Variants in SLC16A9 observed in about 807,000 individuals in gnomAD.
SLC16A9 encodes the protein monocarboxylate transporter 9.
Under a neutral mutation model 44.3 loss-of-function variants are expected in SLC16A9, and 26 were observed. The ratio of observed to expected loss-of-function variants is 0.59; its 90% CI spans 0.43 to 0.81. The LOEUF is 0.81. SLC16A9 is among the 40% of genes least tolerant of loss of function. SLC16A9 has a pLI of 0.00. For missense variants in SLC16A9, 559 were observed against 595.8 expected (o/e 0.94, Z 0.64); for synonymous variants, 230 against 225.1 (o/e 1.02, Z -0.19).
At chr10:59,653,214 T>C (rs888552071) in intron 5 of SLC16A9, among the ~76,000 whole-genome samples, 26 of 151,064 alleles carry the variant, frequency 1.7e-4, no homozygotes, top group African/African-American at 6.1e-4. Context: ...GGTCAGGAGA[T>C]GGAGACCATC....
Position 59,679,816 on chromosome 10 carries a change from C to A in SLC16A9, c.196+4280G>T, listed in dbSNP as rs560840402. Among the ~76,000 whole-genome samples the A allele has an allele frequency of 2.6e-5, 4 of 152,306 alleles. No homozygotes were observed. The East Asian group carries it at 7.7e-4, about 29-fold the overall frequency. ...CAGCCTCTGCAGTACCAAATCCAGG[C>A]CTCTGCATAAAGGTAATTTGCATGG... On this transcript the variant is annotated intron_variant, in intron 2 of 5. Coordinates refer to ENST00000395348, the MANE Select transcript of SLC16A9 (RefSeq NM_194298.3).
intron 1 of SLC16A9, among the ~76,000 whole-genome samples, chr10:59,700,531 A>C (rs1432195569): frequency 6.6e-6 from 1 of 152,234 alleles, no homozygotes; most frequent in Non-Finnish European, 1.5e-5. Context: ...TCACATGAGC[A>C]TGTTTCTAGT....
At chr10:59,708,294 G>A (rs1420469837) in intron 1 of SLC16A9, among the ~76,000 whole-genome samples, 1 of 152,146 alleles carries the variant, frequency 6.6e-6, no homozygotes, top group Admixed American at 6.5e-5. Context: ...TTTCCTATTA[G>A]AAGTTTTAAA....
intron 3 of SLC16A9, among the ~76,000 whole-genome samples, chr10:59,669,836 C>T (rs192601300): frequency 6.2e-4 from 94 of 152,098 alleles, no homozygotes; most frequent in African/African-American, 2.3e-3. Flanking sequence ...ATGGATTTAC[C>T]GTAACAGAGT....
chr10:59,673,493 C>T (rs1466802425), intron 2 of SLC16A9, among the ~76,000 whole-genome samples: 1 of 152,076 alleles, frequency 6.6e-6, no homozygotes, highest in Non-Finnish European at 1.5e-5. Context: ...GTTATTTAGC[C>T]CAACAGTCTC....
intron 1 of SLC16A9, among the ~76,000 whole-genome samples, chr10:59,699,003 C>T (rs1246315255): frequency 6.6e-6 from 1 of 152,132 alleles, no homozygotes; most frequent in East Asian, 1.9e-4. Context: ...CTCAGCCTCC[C>T]GAAGTGCTGG....
At chr10:59,708,357 T>C (rs1840690172) in intron 1 of SLC16A9, among the ~76,000 whole-genome samples, 1 of 152,236 alleles carries the variant, frequency 6.6e-6, no homozygotes, top group South Asian at 2.1e-4. Flanking sequence ...GAATCTTCTC[T>C]AGCTTCCTCA....
intron 1 of SLC16A9, among the ~76,000 whole-genome samples, chr10:59,686,620 G>A (rs1840139931): frequency 6.6e-6 from 1 of 151,968 alleles, no homozygotes; most frequent in Non-Finnish European, 1.5e-5. Flanking sequence ...ATGTCTGTAT[G>A]TTAATTTTAC....
At chr10:59,668,041 T>C (rs1839661013) in intron 3 of SLC16A9, among the ~76,000 whole-genome samples, 1 of 151,386 alleles carries the variant, frequency 6.6e-6, no homozygotes. Flanking sequence ...ACTCTCTCTC[T>C]GCACTAACAC....
intron 1 of SLC16A9, among the ~76,000 whole-genome samples, chr10:59,707,694 T>C (rs898532824): frequency 6.6e-6 from 1 of 152,082 alleles, no homozygotes; most frequent in Non-Finnish European, 1.5e-5. Context: ...CTGTGTTGTG[T>C]GCATCATAAA....
intron 2 of SLC16A9, among the ~76,000 whole-genome samples, chr10:59,679,873 A>T (rs946447445): frequency 1.4e-4 from 21 of 152,206 alleles, no homozygotes; most frequent in Non-Finnish European, 2.5e-4. Flanking sequence ...TGCCTATGAA[A>T]GTCCATCTTC....
chr10:59,675,591 T>G (rs570925321), intron 2 of SLC16A9, among the ~76,000 whole-genome samples: 1 of 151,806 alleles, frequency 6.6e-6, no homozygotes, highest in Admixed American at 6.6e-5. Flanking sequence ...ATCTCAGGAG[T>G]TGGACAAGTG....
intron 2 of SLC16A9, among the ~76,000 whole-genome samples, chr10:59,682,553 A>T (rs990125043): frequency 1.3e-5 from 2 of 152,220 alleles, no homozygotes; most frequent in Non-Finnish European, 2.9e-5. Flanking sequence ...ACTTGTGAAA[A>T]GAAGCTTCAT....
intron 2 of SLC16A9, 130 bp downstream of exon 2, chr10:59,683,966 G>A: frequency 1.6e-6 from 1 of 632,630 alleles, no homozygotes; most frequent in South Asian, 3.9e-5. Context: ...TACAATCATT[G>A]CAATGAAGGC....
At chr10:59,653,410 T>C (rs1839258125) in intron 5 of SLC16A9, among the ~76,000 whole-genome samples, 1 of 37,062 alleles carries the variant, frequency 2.7e-5, no homozygotes, top group South Asian at 1.1e-3. Flanking sequence ...TGGGCGACAG[T>C]GCAAAACTCC....
At chr10:59,673,245 T>G (rs1839791861) in intron 2 of SLC16A9, among the ~76,000 whole-genome samples, 2 of 152,206 alleles carry the variant, frequency 1.3e-5, no homozygotes, top group African/African-American at 4.8e-5. Context: ...GCAACTTATT[T>G]GATCATTCTG....
chr10:59,705,257 T>C (rs1840612446), intron 1 of SLC16A9, among the ~76,000 whole-genome samples: 1 of 150,828 alleles, frequency 6.6e-6, no homozygotes, highest in African/African-American at 2.4e-5. Context: ...AAAATTAAGA[T>C]GCAAAGAAAA....
chr10:59,673,861 A>T (rs1839803127), intron 2 of SLC16A9, among the ~76,000 whole-genome samples: 1 of 152,246 alleles, frequency 6.6e-6, no homozygotes, highest in Non-Finnish European at 1.5e-5. Context: ...ACACACATTA[A>T]GGGTGTATCA....
chr10:59,656,842 C>G (rs1461861005), intron 4 of SLC16A9, among the ~76,000 whole-genome samples: 3 of 152,078 alleles, frequency 2.0e-5, no homozygotes, highest in Admixed American at 6.5e-5. Flanking sequence ...TTAAAATAAT[C>G]ATTGTAAAGG....
Sources: gnomAD v4.1 joint callset for allele counts (sites outside exome capture counted in the v4.1 genomes callset) on GRCh38, gnomAD v4.1.1 for gene constraint, MANE v1.5 for transcripts, NCBI Gene and HGNC (gene_info 2026-07-23, HGNC 2026-07-21) for gene names.